Variants in TEX2 observed in about 807,000 individuals in gnomAD.
TEX2 encodes the protein testis-expressed protein 2.
Under a neutral mutation model 106.9 loss-of-function variants are expected in TEX2, and 53 were observed. The observed-to-expected ratio is 0.50, with a 90% CI of 0.40 to 0.62. TEX2 has a LOEUF of 0.62. Among genes scored for constraint, TEX2 ranks in the 20% least tolerant of loss-of-function variants. The probability of loss-of-function intolerance (pLI) is 0.00; values close to 1 mark genes in which losing one functional copy is unlikely to be tolerated. For missense variants in TEX2, 1,207 were observed against 1,379.0 expected (o/e 0.88, Z 1.98); for synonymous variants, 523 against 534.8 (o/e 0.98, Z 0.30).
At chr17:64,257,997 C>T (rs2034217073) in intron 1 of TEX2, among the ~76,000 whole-genome samples, 2 of 151,932 alleles carry the variant, frequency 1.3e-5, no homozygotes, top group African/African-American at 2.4e-5. Flanking sequence ...CTGCAACCTC[C>T]GCCTCCTGGG....
intron 2 of TEX2, among the ~76,000 whole-genome samples, chr17:64,207,690 C>T (rs541660387): frequency 2.0e-5 from 3 of 152,132 alleles, no homozygotes; most frequent in South Asian, 4.1e-4. Context: ...ATCTGGAACT[C>T]ATCACTGCCC....
chr17:64,232,039 T>C (rs1206963219), intron 1 of TEX2, among the ~76,000 whole-genome samples: 1 of 152,232 alleles, frequency 6.6e-6, no homozygotes, highest in South Asian at 2.1e-4. Context: ...TGTCTGACTT[T>C]AGGTTTAGTT....
rs782714761 is a variant in TEX2 at position 64,226,196 on chromosome 17, G to C, written c.-25-11954C>G. ...CACTGTTTGGCTTTGGGGATATCAT[G>C]AGAGCTGCTCCCCTCCCGTCCCTAT... On this transcript the variant is annotated intron_variant, in intron 1 of 11. Coordinates refer to ENST00000584379, the MANE Select transcript of TEX2 (RefSeq NM_001288732.2). Among the ~76,000 whole-genome samples, 3 of 152,122 alleles carry C rather than the reference G, an allele frequency of 2.0e-5. 1 individual carries two copies. Among genetic ancestry groups the C allele is most frequent in the Admixed American group, 6.6e-5 (1 of 15,264 alleles).
rs200065155 is a variant in TEX2 at position 64,171,151 on chromosome 17, C to T, written c.2620G>A (p.Val874Met). The T allele has an allele frequency of 1.1e-3, 1,768 of 1,614,078 alleles. 21 individuals are homozygous for T. The highest frequency in any genetic ancestry group is 2.8e-4 in the Non-Finnish European group (328 of 1,179,988). ...GCCTGGAGGATTTTTGGCACAGCCA[C>T]GCCCATGTCAAGTTCCGTCAGAGTG... ...ELTLTELDMGVAVPKILQAFK... is the reference protein window; with the variant it reads ...ELTLTELDMGMAVPKILQAFK... Residue 874 changes from valine to methionine, a missense_variant, in exon 7 of 12, where the codon GTG becomes ATG. By Grantham distance (21) the Val-to-Met change is conservative. Transcript: ENST00000584379.
chr17:64,230,085 AT>A (rs2033621732), intron 1 of TEX2, among the ~76,000 whole-genome samples: 1 of 152,104 alleles, frequency 6.6e-6, no homozygotes, highest in African/African-American at 2.4e-5. Context: ...AAGAAGATAA[AT>A]TTTTTTAAAC....
At chr17:64,209,304 G>A (rs1555631186) in intron 2 of TEX2, among the ~76,000 whole-genome samples, 1 of 152,200 alleles carries the variant, frequency 6.6e-6, no homozygotes, top group Non-Finnish European at 1.5e-5. Flanking sequence ...GCTTGTAACA[G>A]ACAGCATATC....
At chr17:64,228,929 TAC>T (rs57741930) in intron 1 of TEX2, among the ~76,000 whole-genome samples, 2,192 of 146,670 alleles carry the variant, frequency 0.015, 40 homozygotes, top group African/African-American at 0.042. Context: ...GACTGACAGG[TAC>T]ACACACACAC....
At position 64,195,017 on chromosome 17, in the gene TEX2, C is replaced by T; in HGVS notation, c.1723G>A (p.Glu575Lys). 1.2e-6 allele frequency: 2 copies of T among 1,614,128 alleles called. No individual in the cohort carries two copies. The highest frequency in any genetic ancestry group is 1.6e-4 in the Middle Eastern group (1 of 6,062). The change falls in exon 3 of 12, where the codon GAG becomes AAG. Residue 575 changes from glutamate to lysine, a missense_variant. Around this residue, in one of 3 missense-constraint regions of TEX2, gnomAD observed 1,067 missense variants for 1,193.6 expected, o/e 0.89. Transcript: ENST00000584379. This position sits in a 1 kb window ranked among gnomAD's most constrained non-coding sequence, Gnocchi z 4.1. ...TLTHSVFVRLEGGTLRLSKPN... is the reference protein window; with the variant it reads ...TLTHSVFVRLKGGTLRLSKPN... ...TTTGAAAGTCTTAAGGTTCCACCCTCAAGTCGAACAAAGACTGAATGTGTC... is the reference window on the plus strand; with the variant it reads ...TTTGAAAGTCTTAAGGTTCCACCCTTAAGTCGAACAAAGACTGAATGTGTC...
chr17:64,181,727 G>T (rs1038877443), intron 5 of TEX2, among the ~76,000 whole-genome samples: 8 of 151,692 alleles, frequency 5.3e-5, no homozygotes, highest in Non-Finnish European at 1.2e-4. Context: ...TGGTAGTCAG[G>T]CTGGTCTCAA....
chr17:64,149,335 T>C (rs1398345192), intron 11 of TEX2: 1 of 452,262 alleles, frequency 2.2e-6, no homozygotes, highest in African/African-American at 2.0e-5. Flanking sequence ...TTTGATTTTG[T>C]ATACATATAA....
intron 5 of TEX2, among the ~76,000 whole-genome samples, 183 bp downstream of exon 5, chr17:64,187,985 A>G (rs2032140324): frequency 6.6e-6 from 1 of 152,168 alleles, no homozygotes; most frequent in South Asian, 2.1e-4. Context: ...TCTTCCCACC[A>G]CCTGGTGCTT....
At chr17:64,189,984 C>CA (rs749574684) in intron 4 of TEX2, among the ~76,000 whole-genome samples, 1,337 of 109,758 alleles carry the variant, frequency 0.012, 9 homozygotes, top group African/African-American at 0.02. Flanking sequence ...GACTCTGTCT[C>CA]AAAAAAAAAA....
chr17:64,184,961 ACTT>A (rs1449664996), intron 5 of TEX2, among the ~76,000 whole-genome samples: 2 of 152,176 alleles, frequency 1.3e-5, no homozygotes, highest in African/African-American at 4.8e-5. Flanking sequence ...TTCCAATTCA[ACTT>A]CTAAGTGTTT....
Position 64,177,361 on chromosome 17 carries a change from C to G in TEX2, c.2535G>C (p.Val845=). 6.2e-7 allele frequency: 1 copy of G among 1,614,190 alleles called. No individual in the cohort carries two copies. Among genetic ancestry groups the G allele is most frequent in the Non-Finnish European group, 8.5e-7 (1 of 1,180,030 alleles). Residue 845 remains valine (V), a synonymous_variant, in exon 6 of 12, where the codon GTG becomes GTC. Transcript: ENST00000584379. ...TGAGTTTCATTTGGATCTTCTTAGA[C>G]ACCAGATCAGACCAGTATTTCTCTC... The part of the protein sequence containing the change: ...FLGEKYWSDL[V]SKKIQMKLSK...
chr17:64,189,199 G>C (rs958949234), intron 4 of TEX2, among the ~76,000 whole-genome samples: 1 of 152,180 alleles, frequency 6.6e-6, no homozygotes, highest in East Asian at 1.9e-4. Context: ...TTGAACTCAC[G>C]CACCTAAGCA....
chr17:64,178,860 C>T (rs2031722946), intron 5 of TEX2, among the ~76,000 whole-genome samples: 1 of 152,258 alleles, frequency 6.6e-6, no homozygotes, highest in Non-Finnish European at 1.5e-5. Context: ...GCAGCTGTGA[C>T]TGTGCCCACA....
chr17:64,231,104 G>A (rs891138724), intron 1 of TEX2, among the ~76,000 whole-genome samples: 2 of 152,158 alleles, frequency 1.3e-5, no homozygotes, highest in Admixed American at 6.5e-5. Context: ...CAGATCAGCC[G>A]CACCTGCATG....
chr17:64,252,523 C>A (rs2034111539), intron 1 of TEX2, among the ~76,000 whole-genome samples: 1 of 151,916 alleles, frequency 6.6e-6, no homozygotes, highest in Admixed American at 6.6e-5. Context: ...CCCTATGTTG[C>A]CCAGGCTGGT....
At chr17:64,211,227 C>T (rs1164555177) in intron 2 of TEX2, among the ~76,000 whole-genome samples, 1 of 152,180 alleles carries the variant, frequency 6.6e-6, no homozygotes, top group East Asian at 1.9e-4. Flanking sequence ...TCCAAAAGTG[C>T]TGGAATTACA....
Sources: allele counts gnomAD v4.1 joint callset (sites outside exome capture counted in the v4.1 genomes callset), GRCh38; gene constraint gnomAD v4.1.1; regional missense constraint gnomAD v4.1.1; non-coding constraint Gnocchi (gnomAD v3.1); transcripts MANE v1.5; gene names NCBI Gene and HGNC (gene_info 2026-07-23, HGNC 2026-07-21).